The following BPNT2 variants were observed in gnomAD, a reference collection of about 807,000 sequenced individuals.
BPNT2 encodes 3'(2'), 5'-bisphosphate nucleotidase 2, also known as Golgi-resident adenosine 3',5'-bisphosphate 3'-phosphatase.
In BPNT2, 11 loss-of-function variants were observed where a neutral mutation model predicts 29.3. The observed-to-expected ratio is 0.38, with a 90% CI of 0.24 to 0.62. The LOEUF (loss-of-function observed/expected upper bound fraction) is 0.62, where lower values mean the gene tolerates loss of function less well. Ranked by LOEUF, BPNT2 falls within the 20% of genes least tolerant of loss-of-function variation. The probability of loss-of-function intolerance (pLI) is 0.62; values close to 1 mark genes in which losing one functional copy is unlikely to be tolerated. For synonymous variants in BPNT2, 195 were observed against 187.7 expected (o/e 1.04, Z -0.32); for missense variants, 459 against 473.4 (o/e 0.97, Z 0.28).
intron 3 of BPNT2, among the ~76,000 whole-genome samples, chr8:56,976,660 A>G (rs534967042): frequency 6.6e-6 from 1 of 152,326 alleles, no homozygotes; most frequent in Non-Finnish European, 1.5e-5. Context: ...AGCAGCCAGA[A>G]TTTGGGATTC....
intron 3 of BPNT2, among the ~76,000 whole-genome samples, chr8:56,977,706 G>A (rs914609584): frequency 6.6e-6 from 1 of 152,138 alleles, no homozygotes; most frequent in Non-Finnish European, 1.5e-5. Context: ...GAGGAGAAGA[G>A]ACACAGACAC....
At chr8:56,983,039 T>C (rs2129205946) in intron 1 of BPNT2, among the ~76,000 whole-genome samples, 1 of 152,184 alleles carries the variant, frequency 6.6e-6, no homozygotes, top group Non-Finnish European at 1.5e-5. Context: ...GGCAAATCTA[T>C]AGAGAAAGAC....
intron 1 of BPNT2, among the ~76,000 whole-genome samples, chr8:56,991,965 G>GA (rs530680033): frequency 3.3e-4 from 49 of 148,394 alleles, no homozygotes; most frequent in Admixed American, 8.7e-4. Flanking sequence ...GTAGAAATTT[G>GA]AAAAAAAAAA....
At chr8:56,971,680 C>G (rs1806034366) in intron 3 of BPNT2, among the ~76,000 whole-genome samples, 1 of 151,682 alleles carries the variant, frequency 6.6e-6, no homozygotes, top group Non-Finnish European at 1.5e-5. Context: ...ACTTACAGAC[C>G]ATACATACGT....
intron 1 of BPNT2, among the ~76,000 whole-genome samples, chr8:56,985,323 C>T (rs1806311348): frequency 6.6e-6 from 1 of 151,920 alleles, no homozygotes; most frequent in Non-Finnish European, 1.5e-5. Context: ...TCATTTCTTC[C>T]CCATAATCCT....
chr8:56,989,745 T>C (rs1806382258), intron 1 of BPNT2, among the ~76,000 whole-genome samples: 1 of 152,182 alleles, frequency 6.6e-6, no homozygotes, highest in Non-Finnish European at 1.5e-5. Context: ...AGTATTCTAC[T>C]AGTAAACCAT....
At chr8:56,988,984 C>T (rs1806369463) in intron 1 of BPNT2, among the ~76,000 whole-genome samples, 1 of 152,132 alleles carries the variant, frequency 6.6e-6, no homozygotes, top group African/African-American at 2.4e-5. Flanking sequence ...GAAAAAGGGC[C>T]TCCTAACTGG....
intron 3 of BPNT2, among the ~76,000 whole-genome samples, chr8:56,975,727 A>AT (rs1806120392): frequency 6.6e-6 from 1 of 152,196 alleles, no homozygotes; most frequent in Non-Finnish European, 1.5e-5. Flanking sequence ...ATGAGATAAC[A>AT]TTAAGTATAC....
Position 56,962,593 on chromosome 8 carries a change from CACA to C in BPNT2, c.*1197_*1199del, listed in dbSNP as rs1805855759. ...AGTTACGGTAACACAATGAATATGT[CACA>C]ACTTTTTTTTTCTAACCAGACTAGA... On this transcript the variant is annotated 3_prime_UTR_variant, in exon 5 of 5. Coordinates refer to ENST00000262644, the MANE Select transcript of BPNT2 (RefSeq NM_017813.5). The C allele has an allele frequency of 6.6e-6, 1 of 152,044 alleles. No individual in the cohort carries two copies. Among genetic ancestry groups the C allele is most frequent in the Admixed American group, 6.5e-5 (1 of 15,272 alleles). 9.4% of individuals were successfully genotyped at this position (152,044 alleles called of 1,614,324 possible). A position where few individuals can be genotyped will look rare whatever the true frequency, so the allele number is the denominator to read the frequency against.
intron 1 of BPNT2, among the ~76,000 whole-genome samples, chr8:56,985,034 T>C (rs369253188): frequency 6.6e-6 from 1 of 152,046 alleles, no homozygotes; most frequent in African/African-American, 2.4e-5. Flanking sequence ...TCGGCTCAAA[T>C]GAGACTGCCT....
intron 4 of BPNT2, among the ~76,000 whole-genome samples, chr8:56,965,670 G>A (rs1805932906): frequency 6.6e-6 from 1 of 152,176 alleles, no homozygotes; most frequent in African/African-American, 2.4e-5. Context: ...AAACTAGGTT[G>A]ACTATAATAC....
intron 3 of BPNT2, among the ~76,000 whole-genome samples, chr8:56,971,706 TAAGAG>T (rs1232904329): frequency 2.0e-5 from 3 of 150,656 alleles, no homozygotes; most frequent in African/African-American, 7.3e-5. Flanking sequence ...CATTCACAGT[TAAGAG>T]AAATGTAAAC....
rs749806114 is a variant in BPNT2 at position 56,993,422 on chromosome 8, G to C, written c.164C>G (p.Ala55Gly). 3.3e-6 allele frequency: 5 copies of C among 1,512,010 alleles called. No individual in the cohort carries two copies. In the East Asian group the frequency reaches 1.3e-4, roughly 40 times the overall value. 93.7% of individuals were successfully genotyped at this position (1,512,010 alleles called of 1,614,324 possible). Residue 55 changes from alanine to glycine, a missense_variant, in exon 1 of 5, where the codon GCG becomes GGG. Physicochemically the swap from Ala to Gly is moderately conservative, Grantham distance 60. Transcript: ENST00000262644. ...PGGGAAGPAA[A>G]ADGGTVDLRE... ...CAAGTCCACGGTGCCCCCATCGGCC[G>C]CGGCCGCGGGCCCCGCCGCGCCGCC...
rs1038655360 is a variant in BPNT2 at position 56,964,178 on chromosome 8, T to C, written c.809-114A>G. The C allele has an allele frequency of 4.7e-5, 33 of 699,670 alleles. 1 individual carries two copies. The highest frequency in any genetic ancestry group is 3.8e-4 in the Middle Eastern group (1 of 2,624). 43.3% of individuals were successfully genotyped at this position (699,670 alleles called of 1,614,324 possible). A position where few individuals can be genotyped will look rare whatever the true frequency, so the allele number is the denominator to read the frequency against. On this transcript the variant is annotated intron_variant, in intron 4 of 4. Transcript: ENST00000262644. ...CAGGATGGAGTGTGCAGGAGCTTGC[T>C]GCAGTCTCTGCAACTGCTTAAGTTT...
Position 56,980,819 on chromosome 8 carries a change from T to TATACAC in BPNT2, c.388-623_388-622insGTGTAT, listed in dbSNP as rs755705861. Among the ~76,000 whole-genome samples, 526 of 141,500 alleles carry TATACAC rather than the reference T, an allele frequency of 3.7e-3. 3 individuals are homozygous for TATACAC. Among genetic ancestry groups the TATACAC allele is most frequent in the Middle Eastern group, 0.033 (9 of 276 alleles). The allele number at this position is 141,500 out of a possible 152,430, so 92.8% of individuals were successfully genotyped here. ...CCCCACACCCTTACATACATACATA[T>TATACAC]ACACACACACACACACACACACACA... is the stretch of plus-strand genomic sequence containing the variant. On this transcript the variant is annotated intron_variant, in intron 1 of 4. Transcript: ENST00000262644.
intron 1 of BPNT2, among the ~76,000 whole-genome samples, chr8:56,991,201 AC>A (rs1806411195): frequency 6.6e-6 from 1 of 152,246 alleles, no homozygotes; most frequent in African/African-American, 2.4e-5. Context: ...CTACTTTGAC[AC>A]TGTATAAATG....
At chr8:56,969,518 G>A (rs1025116748) in intron 3 of BPNT2, among the ~76,000 whole-genome samples, 11 of 152,110 alleles carry the variant, frequency 7.2e-5, no homozygotes, top group African/African-American at 2.2e-4. Flanking sequence ...CTCATACTTG[G>A]CTGATAAAAG....
At chr8:56,982,122 A>ATC (rs1009311872) in intron 1 of BPNT2, among the ~76,000 whole-genome samples, 1 of 150,964 alleles carries the variant, frequency 6.6e-6, no homozygotes, top group African/African-American at 2.5e-5. Context: ...ATCATTAAAT[A>ATC]TCTCTTTTTT....
At chr8:56,965,779 G>A (rs1194861373) in intron 4 of BPNT2, among the ~76,000 whole-genome samples, 1 of 152,168 alleles carries the variant, frequency 6.6e-6, no homozygotes, top group African/African-American at 2.4e-5. Flanking sequence ...AAGTGACTCA[G>A]GGATTAGCCT....
Sources: allele counts gnomAD v4.1 joint callset (sites outside exome capture counted in the v4.1 genomes callset), GRCh38; gene constraint gnomAD v4.1.1; transcripts MANE v1.5; gene names NCBI Gene and HGNC (gene_info 2026-07-23, HGNC 2026-07-21).